CDKAL1: variants seen among roughly 807,000 people sequenced by gnomAD.
CDKAL1 encodes CDKAL1 threonylcarbamoyladenosine tRNA methylthiotransferase.
In CDKAL1, 32 loss-of-function variants were observed where a neutral mutation model predicts 68.2. The observed-to-expected ratio is 0.47, with a 90% confidence interval of 0.35 to 0.63. The LOEUF is 0.63. Among genes scored for constraint, CDKAL1 ranks in the 30% least tolerant of loss-of-function variants. The pLI is 0.00. For synonymous variants in CDKAL1, 234 were observed against 244.3 expected, an observed-to-expected ratio of 0.96 and a Z score of 0.39; for missense variants, 606 against 696.7, an observed-to-expected ratio of 0.87 and a Z score of 1.47.
intron 11 of CDKAL1, among the ~76,000 whole-genome samples, chr6:21,005,740 T>A (rs1053698629): frequency 6.6e-6 from 1 of 152,216 alleles, no homozygotes; most frequent in Admixed American, 6.5e-5. Flanking sequence ...TAATTTCCCT[T>A]GTTGCTTATA....
chr6:20,931,071 C>G (rs1440899673), intron 9 of CDKAL1, among the ~76,000 whole-genome samples: 1 of 152,130 alleles, frequency 6.6e-6, no homozygotes, highest in Non-Finnish European at 1.5e-5. Context: ...GACCAGGAAA[C>G]CTAAGCTCAG....
intron 11 of CDKAL1, among the ~76,000 whole-genome samples, chr6:21,057,125 A>C (rs1042249531): frequency 1.3e-5 from 2 of 152,182 alleles, no homozygotes; most frequent in African/African-American, 4.8e-5. Flanking sequence ...CCTCTGGTAT[A>C]ATTCAGCTGT....
chr6:20,903,024 G>A (rs1762075205), intron 9 of CDKAL1, among the ~76,000 whole-genome samples: 1 of 152,046 alleles, frequency 6.6e-6, no homozygotes, highest in Admixed American at 6.6e-5. Flanking sequence ...GTTTTTTGAG[G>A]GAAGATGTGC....
intron 8 of CDKAL1, among the ~76,000 whole-genome samples, chr6:20,838,970 A>G (rs1464061051): frequency 2.0e-5 from 3 of 150,624 alleles, no homozygotes; most frequent in Non-Finnish European, 4.4e-5. Flanking sequence ...GCGAGACTCC[A>G]TCTCAAAAAA....
chr6:20,690,061 T>G (rs1042594409), intron 5 of CDKAL1, among the ~76,000 whole-genome samples: 4 of 152,232 alleles, frequency 2.6e-5, no homozygotes, highest in Non-Finnish European at 5.9e-5. Context: ...TGTGTAATGG[T>G]TACCATAGTT....
At chr6:20,996,883 A>T (rs1326951451) in intron 10 of CDKAL1, among the ~76,000 whole-genome samples, 3 of 152,220 alleles carry the variant, frequency 2.0e-5, no homozygotes, top group Non-Finnish European at 4.4e-5. Context: ...ACATATAATT[A>T]TTCATTTGTT....
At chr6:20,915,611 A>ACTGGGTGCC (rs1762690008) in intron 9 of CDKAL1, among the ~76,000 whole-genome samples, 1 of 152,196 alleles carries the variant, frequency 6.6e-6, no homozygotes, top group South Asian at 2.1e-4. Flanking sequence ...TGACCAAACA[A>ACTGGGTGCC]CTGGGTGCCA....
chr6:20,965,078 A>T (rs1252261995), intron 10 of CDKAL1, among the ~76,000 whole-genome samples: 1 of 152,130 alleles, frequency 6.6e-6, no homozygotes, highest in East Asian at 1.9e-4. Flanking sequence ...TGGGAGGCCA[A>T]GACAGGAGGA....
chr6:21,206,204 C>G (rs1199357330), intron 15 of CDKAL1, among the ~76,000 whole-genome samples: 1 of 152,072 alleles, frequency 6.6e-6, no homozygotes, highest in Non-Finnish European at 1.5e-5. Flanking sequence ...TATTCGATAA[C>G]TTCTGGACAC....
At chr6:21,205,808 T>G (rs6912407) in intron 15 of CDKAL1, among the ~76,000 whole-genome samples, 74,475 of 139,090 alleles carry the variant, frequency 0.54, 19,597 homozygotes, top group Admixed American at 0.57. Flanking sequence ...TGGGATTACA[T>G]GCGTGAGCCC....
intron 11 of CDKAL1, among the ~76,000 whole-genome samples, chr6:21,031,108 C>T (rs888797150): frequency 6.6e-6 from 1 of 151,996 alleles, no homozygotes; most frequent in Admixed American, 6.6e-5. Flanking sequence ...GGGCTGTGCT[C>T]TCATCTTGGG....
chr6:20,634,451 A>G (rs115525752), intron 4 of CDKAL1, among the ~76,000 whole-genome samples: 223 of 152,328 alleles, frequency 1.5e-3, no homozygotes, highest in Admixed American at 4.0e-3. Context: ...ATCTATGACT[A>G]TTAAAACAAA....
At position 20,880,498 on chromosome 6, in the gene CDKAL1, G is replaced by A. The variant is rs1280642028; in HGVS notation, c.742+34320G>A. Among the ~76,000 whole-genome samples, 13 of 152,146 alleles carry A rather than the reference G, an allele frequency of 8.5e-5. No individual in the cohort carries two copies. In the South Asian group the frequency reaches 1.7e-3, roughly 19 times the overall value. On this transcript the variant is annotated intron_variant, in intron 9 of 15. Transcript: ENST00000274695. ...TCTTGATCTTCTGACCTCATGATCC[G>A]CCCACCTCGGCCTCCCAAAGTGCTG...
intron 13 of CDKAL1, among the ~76,000 whole-genome samples, chr6:21,146,488 G>A (rs1248840750): frequency 1.3e-5 from 2 of 152,116 alleles, no homozygotes; most frequent in Non-Finnish European, 2.9e-5. Context: ...TTAAACATTG[G>A]AGAGAGGAGG....
At chr6:20,786,591 G>C (rs558100287) in intron 8 of CDKAL1, among the ~76,000 whole-genome samples, 1 of 145,192 alleles carries the variant, frequency 6.9e-6, no homozygotes, top group Admixed American at 7.3e-5. Context: ...TCCGCCTCCC[G>C]GGTTCAAGCG....
At chr6:20,582,438 C>T (rs1358609711) in intron 4 of CDKAL1, among the ~76,000 whole-genome samples, 1 of 152,088 alleles carries the variant, frequency 6.6e-6, no homozygotes, top group Admixed American at 6.6e-5. Context: ...AGATAATTTT[C>T]AAATGTAACT....
intron 4 of CDKAL1, among the ~76,000 whole-genome samples, chr6:20,608,898 A>T (rs1328164797): frequency 1.3e-5 from 2 of 152,244 alleles, no homozygotes; most frequent in Admixed American, 1.3e-4. Flanking sequence ...CAGCTGGCAT[A>T]ATAAGAGTTG....
At chr6:21,161,512 CTTTT>C (rs1387042782) in intron 13 of CDKAL1, among the ~76,000 whole-genome samples, 1 of 152,182 alleles carries the variant, frequency 6.6e-6, no homozygotes, top group East Asian at 1.9e-4. Context: ...TGAATATGCT[CTTTT>C]TAAGATAAAG....
At chr6:21,058,151 C>T (rs191748838) in intron 11 of CDKAL1, among the ~76,000 whole-genome samples, 80 of 152,264 alleles carry the variant, frequency 5.3e-4, no homozygotes, top group South Asian at 1.5e-3. Context: ...GAGTCTAAGT[C>T]TCTTTGTAGG....
Sources: allele counts gnomAD v4.1 joint callset (sites outside exome capture counted in the v4.1 genomes callset), GRCh38; gene constraint gnomAD v4.1.1; transcripts MANE v1.5; gene names NCBI Gene and HGNC (gene_info 2026-07-23, HGNC 2026-07-21).